Variants in CDH18 observed in about 807,000 individuals in gnomAD.
CDH18 encodes cadherin-18.
Under a neutral mutation model 67.9 loss-of-function variants are expected in CDH18, and 31 were observed. The ratio of observed to expected loss-of-function variants is 0.46; its 90% CI spans 0.34 to 0.62. The LOEUF (loss-of-function observed/expected upper bound fraction) is 0.62, where lower values mean the gene tolerates loss of function less well. CDH18 is among the 20% of genes least tolerant of loss of function. The probability of loss-of-function intolerance (pLI) is 0.01; values close to 1 mark genes in which losing one functional copy is unlikely to be tolerated. For missense variants in CDH18, 890 were observed against 975.5 expected, an observed-to-expected ratio of 0.91 and a Z score of 1.17; for synonymous variants, 362 against 347.2, an observed-to-expected ratio of 1.04 and a Z score of -0.48.
At chr5:19,481,048 C>T (rs1739335462) in intron 12 of CDH18, among the ~76,000 whole-genome samples, 1 of 152,144 alleles carries the variant, frequency 6.6e-6, no homozygotes, top group South Asian at 2.1e-4. Flanking sequence ...ACTTTGTTGA[C>T]AAGATTTACT....
chr5:20,402,153 C>T (rs181618418), intron 1 of CDH18, among the ~76,000 whole-genome samples: 33 of 152,136 alleles, frequency 2.2e-4, no homozygotes, highest in African/African-American at 5.8e-4. Flanking sequence ...TCTTTTTCAA[C>T]GTTCAGCTCT....
chr5:20,028,207 A>G (rs1739086202), intron 2 of CDH18, among the ~76,000 whole-genome samples: 1 of 152,116 alleles, frequency 6.6e-6, no homozygotes, highest in Non-Finnish European at 1.5e-5. Context: ...TATATTACAA[A>G]TAAAATAATA....
chr5:19,890,597 A>ATTT lies in CDH18; in HGVS notation c.-256-51358_-256-51356dup, dbSNP rs147714365. On this transcript the variant is annotated intron_variant, in intron 2 of 12. Coordinates refer to ENST00000382275, the MANE Select transcript of CDH18 (RefSeq NM_004934.5). Reference sequence around the variant, plus strand: ...CAGAACAGCATTAGCCCAGAACACCATTTTTTTTTTTTTTTGAGACAAAGT... The same window carrying ATTT: ...CAGAACAGCATTAGCCCAGAACACCATTTTTTTTTTTTTTTTTTGAGACAAAGT... 3.3e-3 allele frequency among the ~76,000 whole-genome samples: 443 copies of ATTT among 132,716 alleles called. 3 individuals carry two copies. Among genetic ancestry groups the ATTT allele is most frequent in the African/African-American group, 0.011 (418 of 38,336 alleles). The allele number at this position is 132,716 out of a possible 152,430, so 87.1% of individuals were successfully genotyped here.
At chr5:19,508,229 T>C (rs1046706445) in intron 10 of CDH18, among the ~76,000 whole-genome samples, 2 of 152,146 alleles carry the variant, frequency 1.3e-5, no homozygotes, top group Non-Finnish European at 2.9e-5. Flanking sequence ...TTAGACTTTC[T>C]TTAGAAAATA....
intron 8 of CDH18, among the ~76,000 whole-genome samples, chr5:19,544,726 T>C (rs557733009): frequency 1.3e-5 from 2 of 152,330 alleles, no homozygotes; most frequent in African/African-American, 4.8e-5. Context: ...TTTGTATGTT[T>C]CCTTGTGTCC....
At chr5:19,616,843 C>T (rs1443422576) in intron 5 of CDH18, among the ~76,000 whole-genome samples, 1 of 152,144 alleles carries the variant, frequency 6.6e-6, no homozygotes, top group Non-Finnish European at 1.5e-5. Context: ...GTGTCTCTTC[C>T]TGGTTTGCAG....
At chr5:19,716,073 T>C (rs1765304868) in intron 5 of CDH18, among the ~76,000 whole-genome samples, 1 of 151,956 alleles carries the variant, frequency 6.6e-6, no homozygotes. Context: ...TCCACCTGGG[T>C]CTCCCAAAGT....
At chr5:19,603,267 A>G (rs1008471102) in intron 6 of CDH18, among the ~76,000 whole-genome samples, 1 of 152,210 alleles carries the variant, frequency 6.6e-6, no homozygotes, top group South Asian at 2.1e-4. Context: ...GCACAGAAAG[A>G]CAAATATTGC....
At chr5:20,359,837 G>C (rs1012021566) in intron 1 of CDH18, among the ~76,000 whole-genome samples, 2 of 151,854 alleles carry the variant, frequency 1.3e-5, no homozygotes, top group Non-Finnish European at 2.9e-5. Flanking sequence ...GGATAAAAAC[G>C]ACCCAGTGAA....
At chr5:20,488,629 A>G (rs1192047073) in intron 1 of CDH18, among the ~76,000 whole-genome samples, 1 of 149,974 alleles carries the variant, frequency 6.7e-6, no homozygotes, top group Non-Finnish European at 1.5e-5. Flanking sequence ...GGTAACGATA[A>G]TGTAGGAAAT....
chr5:20,119,651 G>C (rs531881334), intron 2 of CDH18, among the ~76,000 whole-genome samples: 56 of 152,240 alleles, frequency 3.7e-4, no homozygotes, highest in African/African-American at 1.2e-3. Context: ...GTAAGCCACA[G>C]TGTGCACATT....
chr5:20,288,691 T>A (rs945053787), intron 1 of CDH18, among the ~76,000 whole-genome samples: 19 of 151,846 alleles, frequency 1.3e-4, no homozygotes, highest in Non-Finnish European at 2.4e-4. Flanking sequence ...AGATCCTTTC[T>A]TGTGATAGTC....
intron 1 of CDH18, among the ~76,000 whole-genome samples, chr5:20,403,845 C>G (rs776323903): frequency 2.9e-4 from 44 of 152,262 alleles, no homozygotes; most frequent in Non-Finnish European, 5.6e-4. Flanking sequence ...CTTTAAAAAC[C>G]AGGCATTTAC....
rs191988578 is a variant in CDH18 at position 19,869,227 on chromosome 5, T to G, written c.-256-29985A>C. ...GCATTATCATCCTATGTTTAAGGAG[T>G]AAACACATTAATCATCATGCCTGTT... On this transcript the variant is annotated intron_variant, in intron 2 of 12. Transcript: ENST00000382275. Among the ~76,000 whole-genome samples, 4 of 152,242 alleles carry G rather than the reference T, an allele frequency of 2.6e-5. No homozygotes were observed. In the East Asian group the frequency reaches 7.7e-4, roughly 29 times the overall value.
intron 1 of CDH18, among the ~76,000 whole-genome samples, chr5:20,385,570 G>C (rs1744251473): frequency 1.3e-5 from 2 of 152,168 alleles, no homozygotes; most frequent in South Asian, 4.1e-4. Context: ...TCTTGATACA[G>C]ATGGGAAAAC....
At chr5:20,049,545 C>G (rs774418327) in intron 2 of CDH18, among the ~76,000 whole-genome samples, 1 of 151,602 alleles carries the variant, frequency 6.6e-6, no homozygotes, top group Non-Finnish European at 1.5e-5. Flanking sequence ...TACAATATAG[C>G]AAGTTTTAGA....
At chr5:20,056,478 G>GC (rs1741966070) in intron 2 of CDH18, among the ~76,000 whole-genome samples, 1 of 16,288 alleles carries the variant, frequency 6.1e-5, no homozygotes, top group Non-Finnish European at 1.3e-4. Flanking sequence ...TCTTTCTTTT[G>GC]TTTTTTTTTT....
intron 3 of CDH18, among the ~76,000 whole-genome samples, chr5:19,776,968 G>A (rs1774459348): frequency 1.3e-5 from 2 of 152,186 alleles, no homozygotes; most frequent in South Asian, 2.1e-4. Flanking sequence ...CTTGAGTCTC[G>A]TATGTTTTTA....
intron 2 of CDH18, among the ~76,000 whole-genome samples, chr5:20,188,432 C>T (rs1738271814): frequency 6.6e-6 from 1 of 151,976 alleles, no homozygotes; most frequent in Admixed American, 6.6e-5. Flanking sequence ...ACATTGGTAC[C>T]ATGGTTGACC....
Sources: allele counts gnomAD v4.1 joint callset (sites outside exome capture counted in the v4.1 genomes callset), GRCh38; gene constraint gnomAD v4.1.1; transcripts MANE v1.5; gene names NCBI Gene and HGNC (gene_info 2026-07-23, HGNC 2026-07-21).